Variants in OLFM3 observed in about 807,000 individuals in gnomAD.
OLFM3 encodes olfactomedin 3.
OLFM3 carries 20 observed loss-of-function variants against 48.6 expected under a neutral mutation model. The observed-to-expected ratio is 0.41, with a 90% CI of 0.29 to 0.60. The LOEUF (loss-of-function observed/expected upper bound fraction) is 0.60. OLFM3 is among the 20% of genes least tolerant of loss of function. The pLI is 0.28. For missense variants in OLFM3, 437 were observed against 544.3 expected, an observed-to-expected ratio of 0.80 and a Z score of 1.96; for synonymous variants, 222 against 198.1, an observed-to-expected ratio of 1.12 and a Z score of -1.01.
chr1:101,946,603 T>C (rs1186508824), intron 1 of OLFM3, among the ~76,000 whole-genome samples: 1 of 152,212 alleles, frequency 6.6e-6, no homozygotes, highest in African/African-American at 2.4e-5. Context: ...ATTATGTTCT[T>C]AGTCATTCAG....
intron 4 of OLFM3, among the ~76,000 whole-genome samples, chr1:101,813,552 G>C (rs532768174): frequency 6.6e-6 from 1 of 152,142 alleles, no homozygotes; most frequent in Admixed American, 6.6e-5. Context: ...CTGTACGATG[G>C]AAACTTATCC....
chr1:101,980,974 C>T (rs2101108744), intron 1 of OLFM3, among the ~76,000 whole-genome samples: 1 of 152,232 alleles, frequency 6.6e-6, no homozygotes, highest in East Asian at 1.9e-4. Flanking sequence ...AGTGACATTT[C>T]CTCATGTCTG....
chr1:101,985,384 C>G (rs79528038), intron 1 of OLFM3, among the ~76,000 whole-genome samples: 4,105 of 152,252 alleles, frequency 0.027, 71 homozygotes, highest in Admixed American at 0.034. Context: ...AGTCAATATA[C>G]AATTTTTATT....
intron 4 of OLFM3, among the ~76,000 whole-genome samples, chr1:101,824,193 A>G (rs1316848286): frequency 2.0e-5 from 3 of 151,958 alleles, no homozygotes; most frequent in African/African-American, 7.3e-5. Context: ...AACACTTTCT[A>G]TGGGTATTGA....
chr1:101,812,420 G>T (rs1250291323), intron 4 of OLFM3: 1 of 985,164 alleles, frequency 1.0e-6, no homozygotes, highest in East Asian at 1.1e-4. Context: ...CTTATTGCCA[G>T]ACTGAAGCAT....
chr1:101,805,784 C>T (rs1653741260), intron 5 of OLFM3, among the ~76,000 whole-genome samples: 1 of 151,672 alleles, frequency 6.6e-6, no homozygotes, highest in African/African-American at 2.4e-5. Flanking sequence ...TCATACTAAA[C>T]ATATTTTAGA....
chr1:101,932,496 A>AG (rs1377208021), intron 1 of OLFM3, among the ~76,000 whole-genome samples: 1 of 152,180 alleles, frequency 6.6e-6, no homozygotes, highest in Non-Finnish European at 1.5e-5. Context: ...AACCCTGCAC[A>AG]GGGCTATTGA....
intron 1 of OLFM3, among the ~76,000 whole-genome samples, chr1:101,868,941 G>A (rs1656964198): frequency 6.6e-6 from 1 of 152,234 alleles, no homozygotes; most frequent in Non-Finnish European, 1.5e-5. Context: ...CAGAAGTCAA[G>A]AACTGAGGTT....
intron 1 of OLFM3, among the ~76,000 whole-genome samples, chr1:101,986,010 G>C (rs1289760081): frequency 6.8e-6 from 1 of 146,846 alleles, no homozygotes; most frequent in Non-Finnish European, 1.5e-5. Context: ...CTGTCCCCCA[G>C]GCTGGAGTGC....
At chr1:101,811,731 G>GT (rs1654062681) in intron 4 of OLFM3, among the ~76,000 whole-genome samples, 1 of 152,162 alleles carries the variant, frequency 6.6e-6, no homozygotes, top group African/African-American at 2.4e-5. Context: ...ATTTTACACT[G>GT]TTGGTGGGAC....
intron 1 of OLFM3, among the ~76,000 whole-genome samples, chr1:101,992,368 G>A (rs1661436642): frequency 6.6e-6 from 1 of 152,186 alleles, no homozygotes; most frequent in Non-Finnish European, 1.5e-5. Flanking sequence ...AGGAAGATGA[G>A]AAAAGATGAG....
chr1:101,879,929 C>T (rs1657451626), intron 1 of OLFM3, among the ~76,000 whole-genome samples: 1 of 151,846 alleles, frequency 6.6e-6, no homozygotes, highest in Non-Finnish European at 1.5e-5. Context: ...AAGCTCACAA[C>T]ATTCTTTCCT....
intron 1 of OLFM3, among the ~76,000 whole-genome samples, chr1:101,845,499 C>G (rs1051668791): frequency 1.3e-5 from 2 of 152,026 alleles, no homozygotes; most frequent in African/African-American, 4.8e-5. Context: ...CATTCATTAT[C>G]CTGCAAGAGT....
chr1:101,902,316 GAAGT>G lies in OLFM3; in HGVS notation c.70-65295_70-65292del, dbSNP rs1453873474. Among the ~76,000 whole-genome samples the G allele has an allele frequency of 3.3e-5, 5 of 152,146 alleles. No homozygotes were observed. The East Asian group carries it at 5.8e-4, about 18-fold the overall frequency. On this transcript the variant is annotated intron_variant, in intron 1 of 5. Transcript: ENST00000370103. ...TCCTGATTATAATGGTTAAATTTGA[GAAGT>G]AAGTACTTCTGAGAAAGTGGTGACA...
chr1:101,990,989 T>TAAAAAAAAAAAAAAA (rs58481588), intron 1 of OLFM3, among the ~76,000 whole-genome samples: 1 of 8,902 alleles, frequency 1.1e-4, no homozygotes, highest in Non-Finnish European at 2.5e-4. Context: ...TGTCAAAAAG[T>TAAAAAAAAAAAAAAA]AAAAAAAAAA....
intron 1 of OLFM3, among the ~76,000 whole-genome samples, chr1:101,885,255 A>G (rs969434710): frequency 6.6e-6 from 1 of 152,048 alleles, no homozygotes; most frequent in Non-Finnish European, 1.5e-5. Context: ...CCACACCACA[A>G]GAATTAACAG....
At chr1:101,858,216 T>C (rs1189807968) in intron 1 of OLFM3, among the ~76,000 whole-genome samples, 1 of 152,130 alleles carries the variant, frequency 6.6e-6, no homozygotes, top group Admixed American at 6.5e-5. Flanking sequence ...CTAATATCTA[T>C]TAAAGTATCC....
At chr1:101,886,607 C>T (rs1052757494) in intron 1 of OLFM3, among the ~76,000 whole-genome samples, 3 of 152,064 alleles carry the variant, frequency 2.0e-5, no homozygotes, top group Non-Finnish European at 4.4e-5. Flanking sequence ...GAACATCAGA[C>T]ACGTGAGTGG....
At chr1:101,843,042 C>G (rs1186631348) in intron 1 of OLFM3, among the ~76,000 whole-genome samples, 1 of 152,180 alleles carries the variant, frequency 6.6e-6, no homozygotes, top group Non-Finnish European at 1.5e-5. Context: ...ATATACAAAT[C>G]AGTTAAATCA....
Sources: allele counts gnomAD v4.1 joint callset (sites outside exome capture counted in the v4.1 genomes callset), GRCh38; gene constraint gnomAD v4.1.1; transcripts MANE v1.5; gene names NCBI Gene and HGNC (gene_info 2026-07-23, HGNC 2026-07-21).